CRTC3: variants seen among roughly 807,000 people sequenced by gnomAD.
CRTC3 encodes CREB regulated transcription coactivator 3, also known as CREB-regulated transcription coactivator 3.
A neutral mutation model predicts 74.5 loss-of-function variants in CRTC3; 26 were observed. The observed-to-expected ratio is 0.35, with a 90% CI of 0.26 to 0.48. The LOEUF is 0.48. Among genes scored for constraint, CRTC3 ranks in the 20% least tolerant of loss-of-function variants. The pLI is 0.99. For synonymous variants in CRTC3, 377 were observed against 325.8 expected (o/e 1.16, Z -1.69); for missense variants, 760 against 787.3 (o/e 0.97, Z 0.41).
chr15:90,551,930 GCACA>G (rs1274060327), intron 2 of CRTC3, among the ~76,000 whole-genome samples: 7 of 93,892 alleles, frequency 7.5e-5, no homozygotes, highest in African/African-American at 1.5e-4. Flanking sequence ...TTACACACAC[GCACA>G]CACACACACG....
At chr15:90,581,556 T>C (rs1303179845) in intron 2 of CRTC3, among the ~76,000 whole-genome samples, 2 of 152,184 alleles carry the variant, frequency 1.3e-5, no homozygotes, top group East Asian at 3.8e-4. Context: ...TAGAAGTTAT[T>C]GAGTTAAAAC....
At chr15:90,635,609 C>T (rs1969205157) in intron 11 of CRTC3, among the ~76,000 whole-genome samples, 1 of 152,182 alleles carries the variant, frequency 6.6e-6, no homozygotes, top group South Asian at 2.1e-4. Context: ...CATGCCACTG[C>T]ACTCCAGCTT....
intron 2 of CRTC3, among the ~76,000 whole-genome samples, chr15:90,547,749 G>C (rs1214556356): frequency 6.6e-6 from 1 of 152,172 alleles, no homozygotes; most frequent in Admixed American, 6.5e-5. Context: ...CTTCTGCTTA[G>C]TGGAGGGATA....
chr15:90,611,158 G>A (rs1968347297), intron 6 of CRTC3, among the ~76,000 whole-genome samples: 1 of 152,166 alleles, frequency 6.6e-6, no homozygotes, highest in South Asian at 2.1e-4. Context: ...AGGGACAGGA[G>A]GGCCCAGAGT....
intron 2 of CRTC3, among the ~76,000 whole-genome samples, chr15:90,545,804 T>G (rs1966843341): frequency 6.6e-6 from 1 of 151,860 alleles, no homozygotes; most frequent in African/African-American, 2.4e-5. Context: ...GGTCTCCATC[T>G]CCTGACTTTG....
chr15:90,608,853 T>A (rs7171218), intron 6 of CRTC3, among the ~76,000 whole-genome samples: 2 of 152,044 alleles, frequency 1.3e-5, no homozygotes, highest in African/African-American at 4.8e-5. Flanking sequence ...TTCAGACACA[T>A]TTCAAGCCTA....
chr15:90,556,601 A>G (rs1966894980), intron 2 of CRTC3, among the ~76,000 whole-genome samples: 1 of 152,204 alleles, frequency 6.6e-6, no homozygotes, highest in South Asian at 2.1e-4. Flanking sequence ...GCTGCCTAGC[A>G]AATGTTTCAT....
chr15:90,588,296 TTTCA>T (rs1967715818), intron 2 of CRTC3, among the ~76,000 whole-genome samples: 1 of 151,452 alleles, frequency 6.6e-6, no homozygotes, highest in Non-Finnish European at 1.5e-5. Flanking sequence ...GGACTCTCTA[TTTCA>T]TTCAGTCTCT....
chr15:90,541,782 C>CTTTTT lies in CRTC3; in HGVS notation c.231+1648_231+1652dup, dbSNP rs11426969. ...GATAATCCTTGGCCTTCCCAGGATTCTTTTTTTCTTTTTTTTTTTTTGAGA... is the reference window on the plus strand; with the variant it reads ...GATAATCCTTGGCCTTCCCAGGATTCTTTTTTTTTTTTCTTTTTTTTTTTTTGAGA... On this transcript the variant is annotated intron_variant, in intron 2 of 14. Transcript: ENST00000268184. Among the ~76,000 whole-genome samples, 91 of 120,050 alleles carry CTTTTT rather than the reference C, an allele frequency of 7.6e-4. 6 individuals carry two copies. Among genetic ancestry groups the CTTTTT allele is most frequent in the Non-Finnish European group, 9.1e-4 (54 of 59,318 alleles). 78.8% of individuals were successfully genotyped at this position (120,050 alleles called of 152,430 possible).
rs187421183 is a variant in CRTC3, at chr15:90,635,370, C to A, written c.1267-3076C>A. On this transcript the variant is annotated intron_variant, in intron 11 of 14. Transcript: ENST00000268184. Reference sequence around the variant, plus strand: ...AGTTTTACATTCTTCTCTGGCCAGGCGTGGTGGCTCACACCTGTAATCTCA... The same window carrying A: ...AGTTTTACATTCTTCTCTGGCCAGGAGTGGTGGCTCACACCTGTAATCTCA... 8.2e-4 allele frequency among the ~76,000 whole-genome samples: 125 copies of A among 152,198 alleles called. 1 individual carries two copies. Among genetic ancestry groups the A allele is most frequent in the African/African-American group, 3.0e-3 (123 of 41,538 alleles).
intron 6 of CRTC3, among the ~76,000 whole-genome samples, chr15:90,611,759 C>T (rs529087348): frequency 6.6e-6 from 1 of 152,242 alleles, no homozygotes; most frequent in South Asian, 2.1e-4. Flanking sequence ...TTCCTGTTTG[C>T]CTTGGACTAT....
chr15:90,555,382 T>G (rs1012699673), intron 2 of CRTC3, among the ~76,000 whole-genome samples: 3 of 152,232 alleles, frequency 2.0e-5, no homozygotes, highest in African/African-American at 7.2e-5. Context: ...ATGAGTAAGA[T>G]ATTATCTGGT....
intron 2 of CRTC3, among the ~76,000 whole-genome samples, chr15:90,576,606 T>A (rs1490191494): frequency 6.6e-6 from 1 of 151,890 alleles, no homozygotes; most frequent in Non-Finnish European, 1.5e-5. Context: ...CACTAAAGGA[T>A]GGTCAGGAAG....
chr15:90,535,952 C>T (rs1966712512), intron 1 of CRTC3, among the ~76,000 whole-genome samples: 1 of 152,198 alleles, frequency 6.6e-6, no homozygotes, highest in Non-Finnish European at 1.5e-5. Context: ...CAGTGAATGT[C>T]TGTATACTTA....
rs71154112 is a variant in CRTC3 at position 90,564,904 on chromosome 15, A to ACCTTCCTTCCTT, written c.231+24812_231+24823dup. ...AGCCTTGTGTTCAACAATTTAACCAACCTTCCTTCCTTCCTTCCTTCCTTC... is the reference window on the plus strand; with the variant it reads ...AGCCTTGTGTTCAACAATTTAACCAACCTTCCTTCCTTCCTTCCTTCCTTCCTTCCTTCCTTC... On this transcript the variant is annotated intron_variant, in intron 2 of 14. Transcript: ENST00000268184. 7.1e-3 allele frequency among the ~76,000 whole-genome samples: 1,041 copies of ACCTTCCTTCCTT among 146,430 alleles called. 6 individuals carry two copies. Among genetic ancestry groups the ACCTTCCTTCCTT allele is most frequent in the Non-Finnish European group, 9.2e-3 (614 of 67,074 alleles).
chr15:90,564,317 A>G (rs950065993), intron 2 of CRTC3, among the ~76,000 whole-genome samples: 3 of 152,212 alleles, frequency 2.0e-5, no homozygotes, highest in Non-Finnish European at 2.9e-5. Flanking sequence ...TGAAGAAAAA[A>G]GAAACCATTT....
intron 13 of CRTC3, among the ~76,000 whole-genome samples, chr15:90,639,608 C>T (rs1288634774): frequency 6.6e-6 from 1 of 151,472 alleles, no homozygotes; most frequent in African/African-American, 2.4e-5. Context: ...TACCCCTACA[C>T]CTGGCTAAAT....
chr15:90,566,260 G>A (rs1967119803), intron 2 of CRTC3, among the ~76,000 whole-genome samples: 1 of 152,100 alleles, frequency 6.6e-6, no homozygotes, highest in Non-Finnish European at 1.5e-5. Context: ...AAGGAAAGAA[G>A]CCATCTCACC....
At chr15:90,558,751 T>A (rs1021131968) in intron 2 of CRTC3, among the ~76,000 whole-genome samples, 3 of 151,968 alleles carry the variant, frequency 2.0e-5, no homozygotes, top group African/African-American at 7.2e-5. Flanking sequence ...TATATACATA[T>A]ACACATTTAT....
Sources: gnomAD v4.1 joint callset for allele counts (sites outside exome capture counted in the v4.1 genomes callset) on GRCh38, gnomAD v4.1.1 for gene constraint, MANE v1.5 for transcripts, NCBI Gene and HGNC (gene_info 2026-07-23, HGNC 2026-07-21) for gene names.